The following KCTD16 variants were observed in gnomAD, a reference collection of about 807,000 sequenced individuals.
The protein encoded by KCTD16 is potassium channel tetramerization domain containing 16, also known as BTB/POZ domain-containing protein KCTD16.
Under a neutral mutation model 33.2 loss-of-function variants are expected in KCTD16, and 13 were observed. That is an observed-to-expected ratio of 0.39 (90% CI 0.25 to 0.62). The LOEUF is 0.62. Among genes scored for constraint, KCTD16 ranks in the 20% least tolerant of loss-of-function variants. KCTD16 has a pLI of 0.50. For synonymous variants in KCTD16, 197 were observed against 195.3 expected, an observed-to-expected ratio of 1.01 and a Z score of -0.07; for missense variants, 441 against 525.1, an observed-to-expected ratio of 0.84 and a Z score of 1.57.
At chr5:144,222,774 C>A (rs1321513656) in intron 3 of KCTD16, among the ~76,000 whole-genome samples, 2 of 152,176 alleles carry the variant, frequency 1.3e-5, no homozygotes, top group Non-Finnish European at 1.5e-5. Flanking sequence ...CCATTTGACC[C>A]AGCCATCCCA....
At chr5:144,381,301 A>G (rs772509962) in intron 3 of KCTD16, among the ~76,000 whole-genome samples, 11 of 152,160 alleles carry the variant, frequency 7.2e-5, no homozygotes, top group Non-Finnish European at 1.6e-4. Context: ...AATAACAGAT[A>G]TTGGCAAGGT....
chr5:144,211,216 T>C (rs548711316), intron 3 of KCTD16, among the ~76,000 whole-genome samples: 1 of 152,168 alleles, frequency 6.6e-6, no homozygotes. Context: ...GGGAGAAATA[T>C]ATGCTTTGGC....
chr5:144,330,175 G>A (rs1228156022), intron 3 of KCTD16, among the ~76,000 whole-genome samples: 1 of 152,142 alleles, frequency 6.6e-6, no homozygotes, highest in Non-Finnish European at 1.5e-5. Flanking sequence ...CACTTTGGGA[G>A]GCCAAGGTGG....
In KCTD16 at chr5:144,182,687, G is replaced by C. The variant is rs1036831775; in HGVS notation, c.-327+8215G>C. On this transcript the variant is annotated intron_variant, in intron 2 of 3. Transcript: ENST00000512467. ...TTGAGCCCGGGAGATTGAGGCTGCAGTGAGCCATAATGGTGCCATTGCCCT... is the reference window on the plus strand; with the variant it reads ...TTGAGCCCGGGAGATTGAGGCTGCACTGAGCCATAATGGTGCCATTGCCCT... 4.6e-5 allele frequency among the ~76,000 whole-genome samples: 7 copies of C among 152,218 alleles called. No homozygotes were observed. In the East Asian group the frequency reaches 7.7e-4, roughly 17 times the overall value.
At chr5:144,386,470 T>C (rs1383489423) in intron 3 of KCTD16, among the ~76,000 whole-genome samples, 1 of 152,236 alleles carries the variant, frequency 6.6e-6, no homozygotes, top group Non-Finnish European at 1.5e-5. Flanking sequence ...AGTACTGTGG[T>C]ACTATGGTCA....
rs1753171534 is a variant in KCTD16 at position 144,206,395 on chromosome 5, A to T, written c.-320A>T. ...TTTTTCTCTTTTCCTTCAGACGGAC[A>T]TCTGAGTAACTGGGGAATTGGCCTG... On this transcript the variant is annotated 5_prime_UTR_variant, in exon 3 of 4. Transcript: ENST00000512467. The T allele has an allele frequency of 3.9e-6, 1 of 258,050 alleles. No individual in the cohort carries two copies. The highest frequency in any genetic ancestry group is 7.3e-6 in the Non-Finnish European group (1 of 136,776). 16.0% of individuals were successfully genotyped at this position (258,050 alleles called of 1,614,324 possible).
At chr5:144,359,723 A>C (rs1257882256) in intron 3 of KCTD16, among the ~76,000 whole-genome samples, 2 of 151,380 alleles carry the variant, frequency 1.3e-5, no homozygotes, top group Admixed American at 6.6e-5. Flanking sequence ...CTTGCACCTT[A>C]CAACCTCCAA....
At chr5:144,248,216 A>C (rs1313137456) in intron 3 of KCTD16, among the ~76,000 whole-genome samples, 1 of 152,178 alleles carries the variant, frequency 6.6e-6, no homozygotes, top group Non-Finnish European at 1.5e-5. Flanking sequence ...CATTTAAGAG[A>C]GAGTTACAAG....
intron 3 of KCTD16, among the ~76,000 whole-genome samples, chr5:144,240,364 T>A (rs1048168486): frequency 3.9e-5 from 6 of 152,148 alleles, no homozygotes; most frequent in Non-Finnish European, 8.8e-5. Context: ...CCTTTCTTTC[T>A]TCATTTCAGT....
intron 3 of KCTD16, among the ~76,000 whole-genome samples, chr5:144,304,798 C>T (rs1261054431): frequency 6.6e-6 from 1 of 152,084 alleles, no homozygotes; most frequent in Admixed American, 6.5e-5. Context: ...GGAGGGACTA[C>T]TGTGCACTGC....
intron 3 of KCTD16, among the ~76,000 whole-genome samples, chr5:144,281,736 T>C (rs546273392): frequency 1.5e-4 from 23 of 152,312 alleles, no homozygotes; most frequent in African/African-American, 5.5e-4. Context: ...TCTATATTCT[T>C]GTTGATTTTC....
intron 3 of KCTD16, among the ~76,000 whole-genome samples, chr5:144,413,520 C>T (rs1752979365): frequency 6.6e-6 from 1 of 152,152 alleles, no homozygotes; most frequent in Non-Finnish European, 1.5e-5. Flanking sequence ...GAAAAATGTT[C>T]ACGTGTATTT....
chr5:144,310,050 A>C (rs1174901004), intron 3 of KCTD16, among the ~76,000 whole-genome samples: 3 of 150,552 alleles, frequency 2.0e-5, no homozygotes, highest in African/African-American at 7.3e-5. Flanking sequence ...TTTTTTTTTA[A>C]ATACTGTGTT....
At chr5:144,210,782 G>A (rs766001227) in intron 3 of KCTD16, among the ~76,000 whole-genome samples, 1 of 152,094 alleles carries the variant, frequency 6.6e-6, no homozygotes, top group African/African-American at 2.4e-5. Flanking sequence ...GATTGTTCTT[G>A]GTTGGAGAGA....
At chr5:144,225,552 TTGTGTGTGTGTGTGTG>T (rs10550980) in intron 3 of KCTD16, among the ~76,000 whole-genome samples, 14 of 138,226 alleles carry the variant, frequency 1.0e-4, no homozygotes, top group South Asian at 2.4e-4. Context: ...CAAAAATAAA[TTGTGTGTGTGTGTGTG>T]TGTGTGTGTG....
chr5:144,321,175 A>G lies in KCTD16; in HGVS notation c.832+113629A>G, dbSNP rs138887741. Among the ~76,000 whole-genome samples, 590 of 152,268 alleles carry G rather than the reference A, an allele frequency of 3.9e-3. 9 individuals are homozygous for G. The highest frequency in any genetic ancestry group is 5.8e-3 in the South Asian group (28 of 4,828). ...CAGCTGTAAATACCACTTCTTGATG[A>G]AAACTTTGCTACTCTATTGGGAAAC... is the stretch of plus-strand genomic sequence containing the variant. On this transcript the variant is annotated intron_variant, in intron 3 of 3. Coordinates refer to ENST00000512467, the MANE Select transcript of KCTD16 (RefSeq NM_020768.4).
chr5:144,174,504 A>G (rs1752461146), intron 2 of KCTD16, 32 bp downstream of exon 2: 1 of 152,180 alleles, frequency 6.6e-6, no homozygotes, highest in Non-Finnish European at 1.5e-5. Flanking sequence ...TACTCTCCCT[A>G]TATATTAACT....
intron 3 of KCTD16, among the ~76,000 whole-genome samples, chr5:144,458,939 T>C (rs559157007): frequency 2.6e-4 from 40 of 152,294 alleles, no homozygotes; most frequent in Non-Finnish European, 1.9e-4. Context: ...TGCATATTTA[T>C]CATAGTCTGT....
In KCTD16 at chr5:144,481,531, G is replaced by A. The variant is rs1454101426; in HGVS notation, c.*7417G>A. ...CTGACTTTATTAGAACACAATTTGTGTCTGAAATGATTTGACATTTTTCTT... is the reference window on the plus strand; with the variant it reads ...CTGACTTTATTAGAACACAATTTGTATCTGAAATGATTTGACATTTTTCTT... On this transcript the variant is annotated 3_prime_UTR_variant, in exon 4 of 4. Coordinates refer to ENST00000512467, the MANE Select transcript of KCTD16 (RefSeq NM_020768.4). 1 of 151,870 alleles carries A rather than the reference G, an allele frequency of 6.6e-6. No individual in the cohort carries two copies. The highest frequency in any genetic ancestry group is 1.5e-5 in the Non-Finnish European group (1 of 67,904). 9.4% of individuals were successfully genotyped at this position (151,870 alleles called of 1,614,324 possible). A position where few individuals can be genotyped will look rare whatever the true frequency, so the allele number is the denominator to read the frequency against.
Sources: gnomAD v4.1 joint callset for allele counts (sites outside exome capture counted in the v4.1 genomes callset) on GRCh38, gnomAD v4.1.1 for gene constraint, MANE v1.5 for transcripts, NCBI Gene and HGNC (gene_info 2026-07-23, HGNC 2026-07-21) for gene names.